The following PHACTR4 variants were observed in gnomAD, a reference collection of about 807,000 sequenced individuals.
PHACTR4 encodes protein phosphatase 1, regulatory subunit 124.
In PHACTR4, 51 loss-of-function variants were observed where a neutral mutation model predicts 72.7. The ratio of observed to expected loss-of-function variants is 0.70; its 90% confidence interval spans 0.56 to 0.89. The LOEUF is 0.89. Among genes scored for constraint, PHACTR4 ranks in the 40% least tolerant of loss-of-function variants. PHACTR4 has a pLI of 0.00. For missense variants in PHACTR4, 731 were observed against 861.8 expected, an observed-to-expected ratio of 0.85 and a Z score of 1.90; for synonymous variants, 255 against 302.5, an observed-to-expected ratio of 0.84 and a Z score of 1.63.
intron 2 of PHACTR4, among the ~76,000 whole-genome samples, chr1:28,444,381 C>T (rs757932832): frequency 6.6e-6 from 1 of 150,836 alleles, no homozygotes; most frequent in Non-Finnish European, 1.5e-5. Flanking sequence ...AGGCACGTGC[C>T]ACCATGACCA....
rs755320061 is a variant in PHACTR4, at chr1:28,459,156, C to T, written c.88C>T (p.Pro30Ser). ...TGTGGAAGCAGGAGACACAACACCT[C>T]CTACCAAAAGGAAGAGCAAGTTCTC... ...DSVEAGDTTP[P>S]TKRKSKFSGF... The change falls in exon 3 of 14, where the codon CCT (proline) becomes TCT (serine). Residue 30 changes from proline (P) to serine (S), a missense_variant. By Grantham distance (74) the Pro-to-Ser change is moderately conservative. This residue lies in a region of PHACTR4 where 621 missense variants were observed against 676.6 expected (regional missense o/e 0.92). Coordinates refer to ENST00000373839, the MANE Select transcript of PHACTR4 (RefSeq NM_001048183.3). The T allele has an allele frequency of 1.2e-6, 2 of 1,613,872 alleles. No homozygotes were observed. The highest frequency in any genetic ancestry group is 1.7e-6 in the Non-Finnish European group (2 of 1,179,950).
At chr1:28,394,999 T>C (rs1325191476) in intron 1 of PHACTR4, among the ~76,000 whole-genome samples, 1 of 151,556 alleles carries the variant, frequency 6.6e-6, no homozygotes, top group African/African-American at 2.4e-5. Flanking sequence ...CTGCAATCTC[T>C]GCCTTCCGGG....
At chr1:28,378,204 A>AAAAAAAAAG (rs1326820773) in intron 1 of PHACTR4, among the ~76,000 whole-genome samples, 3 of 144,376 alleles carry the variant, frequency 2.1e-5, no homozygotes, top group African/African-American at 7.8e-5. Flanking sequence ...CTCATAAAAA[A>AAAAAAAAAG]AAAAAAAAAA....
intron 2 of PHACTR4, among the ~76,000 whole-genome samples, chr1:28,419,225 C>G (rs1007454902): frequency 6.6e-6 from 1 of 151,300 alleles, no homozygotes; most frequent in Non-Finnish European, 1.5e-5. Flanking sequence ...ATTAAGTAAT[C>G]CACCCGCCTC....
chr1:28,447,961 C>T (rs566500226), intron 2 of PHACTR4, among the ~76,000 whole-genome samples: 25 of 152,024 alleles, frequency 1.6e-4, no homozygotes, highest in African/African-American at 5.5e-4. Flanking sequence ...GTAATTTTGC[C>T]GAAGTTTTCT....
intron 2 of PHACTR4, among the ~76,000 whole-genome samples, chr1:28,410,761 C>CAAT (rs1394548748): frequency 1.3e-5 from 2 of 152,078 alleles, no homozygotes; most frequent in African/African-American, 4.8e-5. Flanking sequence ...GGCTGGAGTG[C>CAAT]AATGGCACAG....
At chr1:28,409,491 AATAC>A (rs1427570525) in intron 2 of PHACTR4, among the ~76,000 whole-genome samples, 6 of 152,152 alleles carry the variant, frequency 3.9e-5, no homozygotes, top group African/African-American at 1.4e-4. Flanking sequence ...TTCATTTTAA[AATAC>A]ACATTAGCAA....
At chr1:28,446,700 A>G (rs1158914744) in intron 2 of PHACTR4, among the ~76,000 whole-genome samples, 1 of 151,696 alleles carries the variant, frequency 6.6e-6, no homozygotes, top group Non-Finnish European at 1.5e-5. Flanking sequence ...AATCCCTTGA[A>G]CCCTGGAGGC....
At chr1:28,411,131 C>G (rs1232464659) in intron 2 of PHACTR4, among the ~76,000 whole-genome samples, 1 of 151,714 alleles carries the variant, frequency 6.6e-6, no homozygotes, top group African/African-American at 2.4e-5. Flanking sequence ...ACTGCAACCT[C>G]CGCCTCCTGG....
At chr1:28,460,864 G>A (rs747931629) in intron 4 of PHACTR4, among the ~76,000 whole-genome samples, 53 of 151,752 alleles carry the variant, frequency 3.5e-4, no homozygotes, top group Non-Finnish European at 2.4e-4. Flanking sequence ...GGCTGGTCTC[G>A]AACTCCTGAC....
chr1:28,388,072 T>A (rs1423736158), intron 1 of PHACTR4, among the ~76,000 whole-genome samples: 2 of 151,958 alleles, frequency 1.3e-5, no homozygotes, highest in Non-Finnish European at 2.9e-5. Context: ...GGGCCTGTGG[T>A]CTCAGCTACT....
intron 2 of PHACTR4, chr1:28,453,817 G>C: frequency 2.3e-6 from 2 of 884,376 alleles, no homozygotes; most frequent in Non-Finnish European, 3.7e-6. Context: ...TCATGATGCT[G>C]ACAGAGCACA....
intron 13 of PHACTR4, among the ~76,000 whole-genome samples, chr1:28,493,364 C>T (rs1240322906): frequency 1.3e-5 from 2 of 151,938 alleles, no homozygotes; most frequent in African/African-American, 4.8e-5. Context: ...ATGGCAAAAC[C>T]CCATCTCTAC....
intron 7 of PHACTR4, among the ~76,000 whole-genome samples, chr1:28,474,937 A>ATTTT (rs1659828186): frequency 1.4e-5 from 2 of 145,906 alleles, no homozygotes; most frequent in South Asian, 4.2e-4. Flanking sequence ...TTAAAACTTT[A>ATTTT]TTTTTATTTA....
At chr1:28,469,493 G>T (rs542939736) in intron 6 of PHACTR4, among the ~76,000 whole-genome samples, 1 of 152,260 alleles carries the variant, frequency 6.6e-6, no homozygotes, top group East Asian at 1.9e-4. Context: ...TGTTGTCAGG[G>T]TATATATACC....
At chr1:28,459,952 C>T (rs371148587) in intron 3 of PHACTR4, among the ~76,000 whole-genome samples, 3 of 152,134 alleles carry the variant, frequency 2.0e-5, no homozygotes, top group Admixed American at 1.3e-4. Flanking sequence ...AAAGTTCATC[C>T]GTAAATAACT....
intron 2 of PHACTR4, among the ~76,000 whole-genome samples, chr1:28,446,954 C>T (rs1657520265): frequency 6.6e-6 from 1 of 151,878 alleles, no homozygotes; most frequent in African/African-American, 2.4e-5. Flanking sequence ...GAAACATGAG[C>T]CAATTAAGCC....
At chr1:28,444,708 C>T (rs186636952) in intron 2 of PHACTR4, among the ~76,000 whole-genome samples, 5,626 of 150,566 alleles carry the variant, frequency 0.037, 161 homozygotes, top group Admixed American at 0.072. Context: ...CTCCACCTCC[C>T]GGGTTCACGC....
chr1:28,441,861 A>G (rs1366242008), intron 2 of PHACTR4, among the ~76,000 whole-genome samples: 1 of 152,000 alleles, frequency 6.6e-6, no homozygotes, highest in African/African-American at 2.4e-5. Context: ...CTGTGGTGGT[A>G]CTTATCTGTA....
Sources: allele counts gnomAD v4.1 joint callset (sites outside exome capture counted in the v4.1 genomes callset), GRCh38; gene constraint gnomAD v4.1.1; regional missense constraint gnomAD v4.1.1; transcripts MANE v1.5; gene names NCBI Gene and HGNC (gene_info 2026-07-23, HGNC 2026-07-21).